Variants in EPHB2 observed in about 807,000 individuals in gnomAD.
The protein encoded by EPHB2 is EPH receptor B2, also known as ephrin type-B receptor 2.
Under a neutral mutation model 96.4 loss-of-function variants are expected in EPHB2, and 18 were observed. The observed-to-expected ratio is 0.19, with a 90% CI of 0.13 to 0.28. The LOEUF is 0.28. Among genes scored for constraint, EPHB2 ranks in the 10% least tolerant of loss-of-function variants. The pLI is 1.00. For synonymous variants in EPHB2, 506 were observed against 534.1 expected (o/e 0.95, Z 0.72); for missense variants, 989 against 1,355.4 (o/e 0.73, Z 4.25).
intron 3 of EPHB2, among the ~76,000 whole-genome samples, chr1:22,854,347 C>T (rs1645668774): frequency 1.3e-5 from 2 of 152,018 alleles, no homozygotes; most frequent in African/African-American, 4.8e-5. Context: ...CCCATCTCTA[C>T]AAAATATACC....
At chr1:22,744,227 C>T (rs146900128) in intron 1 of EPHB2, among the ~76,000 whole-genome samples, 71 of 152,088 alleles carry the variant, frequency 4.7e-4, no homozygotes, top group Middle Eastern at 3.4e-3. Context: ...ATTGAGCACA[C>T]GCCTACCTCG....
chr1:22,770,131 G>A (rs1214491987), intron 1 of EPHB2, among the ~76,000 whole-genome samples: 2 of 152,062 alleles, frequency 1.3e-5, no homozygotes, highest in South Asian at 2.1e-4. Context: ...GGAATGTTGG[G>A]TAAGTGAATG....
At chr1:22,882,802 G>A (rs1276301883) in intron 6 of EPHB2, 7 of 355,846 alleles carry the variant, frequency 2.0e-5, no homozygotes, top group Admixed American at 1.5e-4. Context: ...GCTTGATGTT[G>A]GGAAAAACTG....
rs141122680 is a variant in EPHB2, at chr1:22,784,889, G to A, written c.624G>A (p.Gln208=). 2.4e-4 allele frequency: 387 copies of A among 1,613,776 alleles called. 3 individuals carry two copies. In the African/African-American group the frequency reaches 4.4e-3, roughly 18 times the overall value. ...TCATCCAGAATGGCGCCATCTTCCA[G>A]GAAACCCTGTCGGGGGCTGAGAGCA... ...PRIIQNGAIF[Q]ETLSGAESTS... Residue 208 remains glutamine, a synonymous_variant, in exon 3 of 16, where the codon CAG becomes CAA. Transcript: ENST00000374630. The surrounding 1 kb of genome is among the most constrained non-coding windows in gnomAD (Gnocchi z 5.1).
intron 1 of EPHB2, among the ~76,000 whole-genome samples, chr1:22,741,853 TC>T (rs1271278750): frequency 6.6e-6 from 1 of 151,998 alleles, no homozygotes; most frequent in Non-Finnish European, 1.5e-5. Context: ...TCTCCCTGTT[TC>T]AGAGATGAGA....
intron 3 of EPHB2, among the ~76,000 whole-genome samples, chr1:22,814,352 G>A (rs570152518): frequency 2.0e-5 from 3 of 152,270 alleles, no homozygotes; most frequent in African/African-American, 7.2e-5. Flanking sequence ...GCAGCTCAGG[G>A]TGATGACTGC....
At chr1:22,778,800 G>C (rs1644488561) in intron 1 of EPHB2, among the ~76,000 whole-genome samples, 1 of 152,212 alleles carries the variant, frequency 6.6e-6, no homozygotes, top group South Asian at 2.1e-4. Flanking sequence ...CTTCTTGGGA[G>C]CCCAGAGTAT....
intron 3 of EPHB2, among the ~76,000 whole-genome samples, chr1:22,791,631 A>G (rs1161135773): frequency 2.6e-5 from 4 of 151,950 alleles, no homozygotes; most frequent in Non-Finnish European, 5.9e-5. Flanking sequence ...ATTTTTGATA[A>G]TAATATTTTG....
chr1:22,761,335 C>T (rs1644233179), intron 1 of EPHB2, among the ~76,000 whole-genome samples: 2 of 152,150 alleles, frequency 1.3e-5, no homozygotes, highest in South Asian at 2.1e-4. Context: ...CGGGAGGGAT[C>T]GTGGGGGGAG....
In EPHB2 at chr1:22,913,498, C is replaced by G; in HGVS notation, c.2889C>G (p.His963Gln). Residue 963 changes from histidine to glutamine, a missense_variant, in exon 16 of 16, where the codon CAC (histidine) becomes CAG (glutamine). By Grantham distance (24) the His-to-Gln change is conservative. Coordinates refer to ENST00000374630, the MANE Select transcript of EPHB2 (RefSeq NM_017449.5). The surrounding 1 kb of genome is among the most constrained non-coding windows in gnomAD (Gnocchi z 4.1). ...ILRVGVTLAG[H>Q]QKKILNSIQV... Reference sequence around the variant, plus strand: ...GGGTTGGGGTCACTTTGGCTGGCCACCAGAAAAAAATCCTGAACAGTATCC... The same window carrying G: ...GGGTTGGGGTCACTTTGGCTGGCCAGCAGAAAAAAATCCTGAACAGTATCC... 1 of 1,614,166 alleles carries G rather than the reference C, an allele frequency of 6.2e-7. No homozygotes were observed. The highest frequency in any genetic ancestry group is 8.5e-7 in the Non-Finnish European group (1 of 1,180,038).
chr1:22,753,066 C>T (rs1055831490), intron 1 of EPHB2, among the ~76,000 whole-genome samples: 6 of 150,116 alleles, frequency 4.0e-5, no homozygotes, highest in Admixed American at 6.6e-5. Flanking sequence ...CAGGCATGAA[C>T]CACTACACCT....
chr1:22,728,713 G>A (rs1466160569), intron 1 of EPHB2, among the ~76,000 whole-genome samples: 2 of 152,174 alleles, frequency 1.3e-5, no homozygotes, highest in Admixed American at 6.5e-5. Context: ...TCCCATGGCC[G>A]ACAACTCTAA....
chr1:22,715,050 G>A (rs1182492100), intron 1 of EPHB2, among the ~76,000 whole-genome samples: 1 of 152,204 alleles, frequency 6.6e-6, no homozygotes, highest in Non-Finnish European at 1.5e-5. Flanking sequence ...GACATCTCCA[G>A]TGCCTAGAAC....
At position 22,882,399 on chromosome 1, in the gene EPHB2, C is replaced by T. The variant is rs774911002; in HGVS notation, c.1344C>T (p.Thr448=). 42 of 1,614,056 alleles carry T rather than the reference C, an allele frequency of 2.6e-5. No homozygotes were observed. The highest frequency in any genetic ancestry group is 3.3e-5 in the Admixed American group (2 of 60,004). ...AVSIMHQVSR[T]VDSITLSWSQ... ...CCATCATGCATCAGGTGAGCCGCAC[C>T]GTGGACAGCATTACCCTGTCGTGGT... The change falls in exon 6 of 16, where the codon ACC becomes ACT. Residue 448 remains threonine (T), a synonymous_variant. Coordinates refer to ENST00000374630, the MANE Select transcript of EPHB2 (RefSeq NM_017449.5).
intron 3 of EPHB2, among the ~76,000 whole-genome samples, chr1:22,840,687 C>T (rs1645453343): frequency 1.3e-5 from 2 of 152,278 alleles, no homozygotes; most frequent in South Asian, 2.1e-4. Flanking sequence ...TCTGGAACTC[C>T]TGGCCTCAAG....
At chr1:22,741,696 A>AAAAAAAAAAAAAAAAAAAAC (rs55743842) in intron 1 of EPHB2, among the ~76,000 whole-genome samples, 11 of 137,382 alleles carry the variant, frequency 8.0e-5, no homozygotes, top group Non-Finnish European at 1.3e-4. Context: ...AAACAAAAAA[A>AAAAAAAAAAAAAAAAAAAAC]CAAAAAACCT....
intron 1 of EPHB2, among the ~76,000 whole-genome samples, chr1:22,777,670 A>T (rs1644471437): frequency 1.3e-5 from 2 of 152,234 alleles, no homozygotes; most frequent in Non-Finnish European, 2.9e-5. Flanking sequence ...GACGGGCTCC[A>T]TGGAGGCTGT....
chr1:22,744,781 A>AG (rs887743065), intron 1 of EPHB2, among the ~76,000 whole-genome samples: 5 of 151,576 alleles, frequency 3.3e-5, no homozygotes, highest in African/African-American at 1.2e-4. Flanking sequence ...GCTTGAGGCC[A>AG]GTTCAAGGCT....
chr1:22,871,608 A>T (rs147471801), intron 5 of EPHB2, among the ~76,000 whole-genome samples: 1 of 152,382 alleles, frequency 6.6e-6, no homozygotes, highest in Non-Finnish European at 1.5e-5. Context: ...CCTGGAACAT[A>T]GATGGACAGT....
Sources: allele counts gnomAD v4.1 joint callset (sites outside exome capture counted in the v4.1 genomes callset), GRCh38; gene constraint gnomAD v4.1.1; non-coding constraint Gnocchi (gnomAD v3.1); transcripts MANE v1.5; gene names NCBI Gene and HGNC (gene_info 2026-07-23, HGNC 2026-07-21).